STK32B: variants seen among roughly 807,000 people sequenced by gnomAD.
STK32B encodes serine/threonine-protein kinase 32B.
A neutral mutation model predicts 52.6 loss-of-function variants in STK32B; 43 were observed. The ratio of observed to expected loss-of-function variants is 0.82; its 90% CI spans 0.64 to 1.05. The LOEUF is 1.05. STK32B is among the 50% of genes least tolerant of loss of function. The probability of loss-of-function intolerance (pLI) is 0.00; values close to 1 mark genes in which losing one functional copy is unlikely to be tolerated. For missense variants in STK32B, 621 were observed against 534.6 expected (o/e 1.16, Z -1.59); for synonymous variants, 238 against 204.3 (o/e 1.17, Z -1.41).
In STK32B at chr4:5,395,392, C is replaced by T. The variant is rs74783607; in HGVS notation, c.435-2815C>T. Among the ~76,000 whole-genome samples the T allele has an allele frequency of 0.035, 5,375 of 152,290 alleles. 150 individuals carry two copies. The highest frequency in any genetic ancestry group is 0.084 in the East Asian group (436 of 5,182). Reference sequence around the variant, plus strand: ...CATCTGCAAAATGAGAACTTGCTCACTACATGATGCACAGCTGGCCTTTTC... The same window carrying T: ...CATCTGCAAAATGAGAACTTGCTCATTACATGATGCACAGCTGGCCTTTTC... On this transcript the variant is annotated intron_variant, in intron 4 of 11. Transcript: ENST00000282908. This position sits in a 1 kb window ranked among gnomAD's most constrained non-coding sequence, Gnocchi z 4.4.
At chr4:5,113,907 A>T (rs950221718) in intron 1 of STK32B, among the ~76,000 whole-genome samples, 1 of 138,838 alleles carries the variant, frequency 7.2e-6, no homozygotes, top group Non-Finnish European at 1.6e-5. Context: ...AAAGAAAGAG[A>T]GCTTATGCAG....
rs146297060 is a variant in STK32B at position 5,422,939 on chromosome 4, C to T, written c.562+6005C>T. The stretch of plus-strand genomic sequence containing the variant: ...GGGCATTTAGGCAGACGGAACAACC[C>T]ATACAAAGGCATTGGGGAGTGAAGC... On this transcript the variant is annotated intron_variant, in intron 6 of 11. Coordinates refer to ENST00000282908, the MANE Select transcript of STK32B (RefSeq NM_018401.3). Among the ~76,000 whole-genome samples, 560 of 152,222 alleles carry T rather than the reference C, an allele frequency of 3.7e-3. 3 individuals are homozygous for T. Among genetic ancestry groups the T allele is most frequent in the African/African-American group, 0.012 (515 of 41,530 alleles).
intron 4 of STK32B, among the ~76,000 whole-genome samples, chr4:5,343,071 G>A (rs1733195304): frequency 6.6e-6 from 1 of 151,542 alleles, no homozygotes; most frequent in Admixed American, 6.6e-5. Context: ...TTTAACGTTA[G>A]GTATATCTCC....
chr4:5,219,460 T>G (rs868122883), intron 3 of STK32B, among the ~76,000 whole-genome samples: 1 of 152,268 alleles, frequency 6.6e-6, no homozygotes, highest in African/African-American at 2.4e-5. Flanking sequence ...TGTTGTGTTT[T>G]GCATGTTACT....
intron 1 of STK32B, among the ~76,000 whole-genome samples, chr4:5,077,514 G>T (rs1712153923): frequency 6.6e-6 from 1 of 152,138 alleles, no homozygotes; most frequent in African/African-American, 2.4e-5. Context: ...CAGAATGGGT[G>T]CTTGAGGTAG....
chr4:5,353,383 A>T (rs1733964736), intron 4 of STK32B, among the ~76,000 whole-genome samples: 1 of 148,144 alleles, frequency 6.8e-6, no homozygotes. Flanking sequence ...GACAATGGAA[A>T]TGAAAATAGA....
At chr4:5,092,766 G>A (rs1713164119) in intron 1 of STK32B, among the ~76,000 whole-genome samples, 1 of 152,026 alleles carries the variant, frequency 6.6e-6, no homozygotes, top group Non-Finnish European at 1.5e-5. Flanking sequence ...CAAGGAGATG[G>A]TGCTAAACCA....
At chr4:5,455,455 G>A (rs1027594746) in intron 7 of STK32B, among the ~76,000 whole-genome samples, 1 of 152,240 alleles carries the variant, frequency 6.6e-6, no homozygotes, top group African/African-American at 2.4e-5. Context: ...CCCTGGCGGG[G>A]TTTTCAGCAT....
At chr4:5,217,982 C>A (rs1255154293) in intron 3 of STK32B, among the ~76,000 whole-genome samples, 1 of 152,064 alleles carries the variant, frequency 6.6e-6, no homozygotes, top group Non-Finnish European at 1.5e-5. Flanking sequence ...TCTAAGAATT[C>A]TTCTTAAAAG....
intron 6 of STK32B, among the ~76,000 whole-genome samples, chr4:5,440,695 A>G (rs1337652344): frequency 5.9e-5 from 9 of 152,140 alleles, no homozygotes; most frequent in Non-Finnish European, 1.2e-4. Context: ...TTTTCAAAGG[A>G]AATGCTTCCA....
chr4:5,324,225 G>A (rs1401847485), intron 3 of STK32B, among the ~76,000 whole-genome samples: 1 of 152,142 alleles, frequency 6.6e-6, no homozygotes, highest in East Asian at 1.9e-4. Flanking sequence ...GTGGTGGCAT[G>A]GGCCTGTAAT....
chr4:5,434,450 GTGTGTATATA>G (rs774658320), intron 6 of STK32B, among the ~76,000 whole-genome samples: 2 of 103,280 alleles, frequency 1.9e-5, no homozygotes, highest in East Asian at 1.1e-3. Flanking sequence ...GTGTGTGTGT[GTGTGTATATA>G]TATATATATA....
intron 2 of STK32B, among the ~76,000 whole-genome samples, chr4:5,167,955 T>C (rs1456855679): frequency 6.6e-6 from 1 of 152,220 alleles, no homozygotes; most frequent in Non-Finnish European, 1.5e-5. Context: ...ATCTCAGGGT[T>C]ATAGTCACTG....
intron 11 of STK32B, among the ~76,000 whole-genome samples, chr4:5,483,834 T>A (rs1302539443): frequency 2.0e-5 from 3 of 152,218 alleles, no homozygotes; most frequent in African/African-American, 7.2e-5. Flanking sequence ...TCTGCCTTCA[T>A]TTCGTTGTGT....
chr4:5,318,722 C>T (rs1731283758), intron 3 of STK32B, among the ~76,000 whole-genome samples: 1 of 152,016 alleles, frequency 6.6e-6, no homozygotes, highest in Non-Finnish European at 1.5e-5. Flanking sequence ...TCAGGATGAC[C>T]AGAGCAAAGA....
chr4:5,493,238 T>A (rs551881478), intron 11 of STK32B, among the ~76,000 whole-genome samples: 5 of 152,256 alleles, frequency 3.3e-5, no homozygotes, highest in South Asian at 2.1e-4. Context: ...AAGCTATTGA[T>A]TATTGCCACA....
chr4:5,262,202 A>G (rs1480035820), intron 3 of STK32B, among the ~76,000 whole-genome samples: 1 of 152,176 alleles, frequency 6.6e-6, no homozygotes, highest in African/African-American at 2.4e-5. Flanking sequence ...TCAGAGGAAG[A>G]GCAGGTCCCA....
At chr4:5,089,791 C>G (rs1004677208) in intron 1 of STK32B, among the ~76,000 whole-genome samples, 2 of 152,124 alleles carry the variant, frequency 1.3e-5, no homozygotes, top group African/African-American at 2.4e-5. Context: ...TGTCTTCTAC[C>G]ATGGTTGAAC....
At chr4:5,243,307 T>C (rs1445895650) in intron 3 of STK32B, among the ~76,000 whole-genome samples, 1 of 152,200 alleles carries the variant, frequency 6.6e-6, no homozygotes, top group African/African-American at 2.4e-5. Flanking sequence ...CCTTGTAAGT[T>C]GGATTCCTAA....
Sources: allele counts gnomAD v4.1 joint callset (sites outside exome capture counted in the v4.1 genomes callset), GRCh38; gene constraint gnomAD v4.1.1; non-coding constraint Gnocchi (gnomAD v3.1); transcripts MANE v1.5; gene names NCBI Gene and HGNC (gene_info 2026-07-23, HGNC 2026-07-21).